The following KIRREL3 variants were observed in gnomAD, a reference collection of about 807,000 sequenced individuals.
KIRREL3 encodes kirre like nephrin family adhesion molecule 3, also known as kin of IRRE-like protein 3.
KIRREL3 carries 36 observed loss-of-function variants against 89.7 expected under a neutral mutation model. The ratio of observed to expected loss-of-function variants is 0.40; its 90% confidence interval spans 0.31 to 0.53. The LOEUF is 0.53. Among genes scored for constraint, KIRREL3 ranks in the 20% least tolerant of loss-of-function variants. KIRREL3 has a pLI of 0.49. For missense variants in KIRREL3, 864 were observed against 1,056.6 expected, an observed-to-expected ratio of 0.82 and a Z score of 2.53; for synonymous variants, 445 against 441.4, an observed-to-expected ratio of 1.01 and a Z score of -0.10.
At position 126,773,378 on chromosome 11, in the gene KIRREL3, C is replaced by T. The variant is rs117795198; in HGVS notation, c.56-210466G>A. 7.2e-4 allele frequency among the ~76,000 whole-genome samples: 110 copies of T among 152,310 alleles called. No individual in the cohort carries two copies. The East Asian group carries it at 0.017, about 23-fold the overall frequency. On this transcript the variant is annotated intron_variant, in intron 1 of 16. Coordinates refer to ENST00000525144, the MANE Select transcript of KIRREL3 (RefSeq NM_032531.4). The surrounding 1 kb of genome is among the most constrained non-coding windows in gnomAD (Gnocchi z 4.2). Reference sequence around the variant, plus strand: ...CAAGAAGGAACTCTCCAGCAGACGACCTCTTGACTTGAATTGCAATGTGGA... The same window carrying T: ...CAAGAAGGAACTCTCCAGCAGACGATCTCTTGACTTGAATTGCAATGTGGA...
intron 1 of KIRREL3, among the ~76,000 whole-genome samples, chr11:126,648,544 A>G (rs1255747528): frequency 6.6e-6 from 1 of 152,172 alleles, no homozygotes; most frequent in East Asian, 1.9e-4. Flanking sequence ...TAGAGTGCCT[A>G]TCTCCATCTG....
chr11:126,711,803 G>T (rs1947766015), intron 1 of KIRREL3, among the ~76,000 whole-genome samples: 1 of 152,192 alleles, frequency 6.6e-6, no homozygotes, highest in African/African-American at 2.4e-5. Context: ...CCAGCAAAGG[G>T]CTTCTTCAAG....
Position 127,000,227 on chromosome 11 carries a change from G to A in KIRREL3, c.55+228C>T, listed in dbSNP as rs950180078. 4.6e-5 allele frequency among the ~76,000 whole-genome samples: 7 copies of A among 152,184 alleles called. No homozygotes were observed. Among genetic ancestry groups the A allele is most frequent in the Non-Finnish European group, 1.0e-4 (7 of 68,024 alleles). On this transcript the variant is annotated intron_variant, in intron 1 of 16. Transcript: ENST00000525144. This position sits in a 1 kb window ranked among gnomAD's most constrained non-coding sequence, Gnocchi z 7.1. ...GGATATTGACAAGTGAGAGGAGAAA[G>A]TCATTCCCCTCCCCTCCCATACCCC...
intron 1 of KIRREL3, among the ~76,000 whole-genome samples, chr11:126,720,895 G>T (rs1488242131): frequency 2.6e-5 from 4 of 152,172 alleles, no homozygotes; most frequent in African/African-American, 7.2e-5. Flanking sequence ...AGAGCAGGAA[G>T]ATCTGGAGTC....
In KIRREL3 at chr11:126,739,033, G is replaced by A. The variant is rs1355545057; in HGVS notation, c.56-176121C>T. On this transcript the variant is annotated intron_variant, in intron 1 of 16. Transcript: ENST00000525144. The surrounding 1 kb of genome is among the most constrained non-coding windows in gnomAD (Gnocchi z 5.5). ...ACACTACAACAATCTTGAAAGGCGG[G>A]TATATATGATACAAACGGTACAAAT... 6.6e-6 allele frequency among the ~76,000 whole-genome samples: 1 copy of A among 152,188 alleles called. No homozygotes were observed. Among genetic ancestry groups the A allele is most frequent in the Non-Finnish European group, 1.5e-5 (1 of 68,038 alleles).
chr11:126,543,509 C>T (rs1285817585), intron 2 of KIRREL3, among the ~76,000 whole-genome samples: 1 of 152,104 alleles, frequency 6.6e-6, no homozygotes, highest in East Asian at 1.9e-4. Flanking sequence ...CATTTGACTC[C>T]AGGCCTGGCT....
chr11:127,000,720 G>T lies in KIRREL3; in HGVS notation c.-211C>A, dbSNP rs1950297632. The T allele has an allele frequency of 1.9e-6, 1 of 535,174 alleles. No individual in the cohort carries two copies. Among genetic ancestry groups the T allele is most frequent in the Non-Finnish European group, 3.3e-6 (1 of 302,386 alleles). The allele number at this position is 535,174 out of a possible 1,614,324, so 33.2% of individuals were successfully genotyped here. ...CAAACTGCCTGTTCTTAGCCGCCTC[G>T]GGAAGCCGGGATTGTCAGCAATGTC... On this transcript the variant is annotated 5_prime_UTR_variant, in exon 1 of 17. Transcript: ENST00000525144. The surrounding 1 kb of genome is among the most constrained non-coding windows in gnomAD (Gnocchi z 7.1).
At chr11:126,770,147 G>A (rs574677969) in intron 1 of KIRREL3, among the ~76,000 whole-genome samples, 1 of 152,050 alleles carries the variant, frequency 6.6e-6, no homozygotes, top group African/African-American at 2.4e-5. Context: ...GCCTGAGTTG[G>A]GGGGGAATTT....
Position 126,812,534 on chromosome 11 carries a change from G to A in KIRREL3, c.55+187921C>T, listed in dbSNP as rs115400519. Among the ~76,000 whole-genome samples, 182 of 152,232 alleles carry A rather than the reference G, an allele frequency of 1.2e-3. No individual in the cohort carries two copies. The highest frequency in any genetic ancestry group is 4.2e-3 in the African/African-American group (174 of 41,528). On this transcript the variant is annotated intron_variant, in intron 1 of 16. Transcript: ENST00000525144. This position sits in a 1 kb window ranked among gnomAD's most constrained non-coding sequence, Gnocchi z 5.2. ...GTCAGTTCTGCCACTCCAGTACTCC[G>A]CACGGTGTCTGGCACACAGTAGGCA...
At chr11:126,425,105 C>T (rs1954890427) in intron 16 of KIRREL3, 82 bp from the exon 17 acceptor site, 2 of 1,309,500 alleles carry the variant, frequency 1.5e-6, no homozygotes, top group Non-Finnish European at 2.1e-6. Flanking sequence ...GAGCCCGTCC[C>T]CTTATGCGGG....
chr11:126,468,241 T>G (rs1235271005), intron 5 of KIRREL3, among the ~76,000 whole-genome samples: 2 of 152,194 alleles, frequency 1.3e-5, no homozygotes, highest in Non-Finnish European at 2.9e-5. Flanking sequence ...TGGTCTCCAC[T>G]CTGGCGCCAG....
intron 1 of KIRREL3, among the ~76,000 whole-genome samples, chr11:126,863,508 CGT>C (rs1176226206): frequency 1.9e-4 from 18 of 93,980 alleles, no homozygotes; most frequent in East Asian, 6.8e-4. Context: ...AGTGTGAGTG[CGT>C]GTGTGTTTGA....
rs57064962 is a variant in KIRREL3 at position 126,527,457 on chromosome 11, G to T, written c.134-770C>A. On this transcript the variant is annotated intron_variant, in intron 2 of 16. Transcript: ENST00000525144. This position sits in a 1 kb window ranked among gnomAD's most constrained non-coding sequence, Gnocchi z 4.2. ...ATCCACAATGCTTACAAGATGCCAT[G>T]CTCTGTTTTGAGGCTTTAAAATATT... 0.065 allele frequency among the ~76,000 whole-genome samples: 9,878 copies of T among 152,184 alleles called. 968 individuals are homozygous for T. Among genetic ancestry groups the T allele is most frequent in the African/African-American group, 0.22 (8,956 of 41,498 alleles).
At chr11:126,849,471 T>C (rs1352496568) in intron 1 of KIRREL3, among the ~76,000 whole-genome samples, 2 of 152,220 alleles carry the variant, frequency 1.3e-5, no homozygotes, top group African/African-American at 2.4e-5. Context: ...TTCTTTCTTA[T>C]GTGAGATCCA....
chr11:126,581,185 G>A (rs965674070), intron 1 of KIRREL3, among the ~76,000 whole-genome samples: 1 of 152,188 alleles, frequency 6.6e-6, no homozygotes, highest in African/African-American at 2.4e-5. Context: ...TTAGTGGGGG[G>A]TTTAGAGCTG....
chr11:126,695,458 G>A (rs553450721), intron 1 of KIRREL3, among the ~76,000 whole-genome samples: 1 of 148,318 alleles, frequency 6.7e-6, no homozygotes, highest in East Asian at 2.0e-4. Context: ...TGGCATCTGA[G>A]CTCCATGTGA....
intron 1 of KIRREL3, among the ~76,000 whole-genome samples, chr11:126,945,505 C>T (rs569757559): frequency 1.3e-5 from 2 of 152,170 alleles, no homozygotes; most frequent in Non-Finnish European, 2.9e-5. Context: ...TAAATCTATG[C>T]TTGCAATTTA....
At chr11:126,426,067 G>T (rs150707129) in intron 15 of KIRREL3, among the ~76,000 whole-genome samples, 60 of 152,324 alleles carry the variant, frequency 3.9e-4, no homozygotes, top group African/African-American at 1.3e-3. Flanking sequence ...TAAAATGCCG[G>T]CCAGTTGCTC....
rs950124670 is a variant in KIRREL3, at chr11:126,837,321, C to A, written c.55+163134G>T. On this transcript the variant is annotated intron_variant, in intron 1 of 16. Coordinates refer to ENST00000525144, the MANE Select transcript of KIRREL3 (RefSeq NM_032531.4). The surrounding 1 kb of genome is among the most constrained non-coding windows in gnomAD (Gnocchi z 4.7). ...GTAAATGTTCAATACAAATTAATCT[C>A]CTTTCTTTTTCCTTGAGTACAAAGA... 6.6e-6 allele frequency among the ~76,000 whole-genome samples: 1 copy of A among 152,188 alleles called. No homozygotes were observed. The highest frequency in any genetic ancestry group is 1.5e-5 in the Non-Finnish European group (1 of 68,028).
Sources: allele counts gnomAD v4.1 joint callset (sites outside exome capture counted in the v4.1 genomes callset), GRCh38; gene constraint gnomAD v4.1.1; non-coding constraint Gnocchi (gnomAD v3.1); transcripts MANE v1.5; gene names NCBI Gene and HGNC (gene_info 2026-07-23, HGNC 2026-07-21).